Variants in VRK1 observed in about 807,000 individuals in gnomAD.
VRK1 encodes serine/threonine-protein kinase VRK1.
Under a neutral mutation model 57.1 loss-of-function variants are expected in VRK1, and 33 were observed. The observed-to-expected ratio is 0.58, with a 90% CI of 0.44 to 0.77. The LOEUF (loss-of-function observed/expected upper bound fraction) is 0.77. Ranked by LOEUF, VRK1 falls within the 30% of genes least tolerant of loss-of-function variation. The probability of loss-of-function intolerance (pLI) is 0.00; values close to 1 mark genes in which losing one functional copy is unlikely to be tolerated. For missense variants in VRK1, 413 were observed against 477.3 expected, an observed-to-expected ratio of 0.87 and a Z score of 1.25; for synonymous variants, 137 against 147.8, an observed-to-expected ratio of 0.93 and a Z score of 0.53.
At chr14:96,798,247 C>G (rs7149464) in intron 1 of VRK1, among the ~76,000 whole-genome samples, 9,722 of 152,244 alleles carry the variant, frequency 0.064, 355 homozygotes, top group South Asian at 0.11. Context: ...TTTACTGTTG[C>G]AGCTCCATTC....
At chr14:96,840,364 T>A (rs1340852174) in intron 3 of VRK1, among the ~76,000 whole-genome samples, 1 of 152,198 alleles carries the variant, frequency 6.6e-6, no homozygotes, top group East Asian at 1.9e-4. Context: ...TCCCAGCTAT[T>A]CCCTCGTGCA....
chr14:96,830,840 C>G (rs1886976211), intron 1 of VRK1, among the ~76,000 whole-genome samples: 1 of 152,216 alleles, frequency 6.6e-6, no homozygotes, highest in African/African-American at 2.4e-5. Flanking sequence ...CTGAGGCTAA[C>G]TTATAGATCC....
intron 1 of VRK1, among the ~76,000 whole-genome samples, chr14:96,803,111 T>G (rs978546280): frequency 1.3e-5 from 2 of 152,038 alleles, no homozygotes; most frequent in African/African-American, 4.8e-5. Flanking sequence ...TGCTTGTGTT[T>G]GAGAATCCCT....
Position 96,855,365 on chromosome 14 carries a change from G to A in VRK1, c.709+9G>A, listed in dbSNP as rs1202671679. On this transcript the variant is annotated intron_variant, in intron 8 of 12. Coordinates refer to ENST00000216639, the MANE Select transcript of VRK1 (RefSeq NM_003384.3). ...TGCACACAATGGCGTGGGTATGTCA[G>A]TAGTACTGGAGTGAGAAATAGACTG... is the stretch of plus-strand genomic sequence containing the variant. 1.2e-6 allele frequency: 2 copies of A among 1,614,002 alleles called. No individual in the cohort carries two copies. Among genetic ancestry groups the A allele is most frequent in the South Asian group, 1.1e-5 (1 of 91,078 alleles).
chr14:96,808,291 T>C (rs186497468), intron 1 of VRK1, among the ~76,000 whole-genome samples: 2 of 152,274 alleles, frequency 1.3e-5, no homozygotes, highest in Admixed American at 1.3e-4. Flanking sequence ...TTTGTTTAAT[T>C]GTTCAGTTTA....
At chr14:96,803,274 C>T (rs749092162) in intron 1 of VRK1, among the ~76,000 whole-genome samples, 3 of 151,162 alleles carry the variant, frequency 2.0e-5, no homozygotes, top group African/African-American at 4.9e-5. Flanking sequence ...CAGGGTCAAG[C>T]GATTCTCTTG....
intron 2 of VRK1, among the ~76,000 whole-genome samples, chr14:96,835,069 A>G (rs1887163023): frequency 6.6e-6 from 1 of 152,144 alleles, no homozygotes. Flanking sequence ...ATCTAATAGT[A>G]TTTTTAATAG....
At chr14:96,812,550 TG>T (rs1186894430) in intron 1 of VRK1, among the ~76,000 whole-genome samples, 1 of 152,244 alleles carries the variant, frequency 6.6e-6, no homozygotes, top group African/African-American at 2.4e-5. Context: ...TTATCTGTTT[TG>T]GAGAAATGTC....
intron 11 of VRK1, among the ~76,000 whole-genome samples, chr14:96,864,592 T>C (rs370147764): frequency 3.3e-5 from 5 of 152,130 alleles, no homozygotes; most frequent in African/African-American, 9.7e-5. Context: ...GGGGGAAACA[T>C]GTACATTTAT....
At chr14:96,809,144 G>C (rs750020082) in intron 1 of VRK1, among the ~76,000 whole-genome samples, 8 of 152,194 alleles carry the variant, frequency 5.3e-5, no homozygotes, top group Non-Finnish European at 1.0e-4. Context: ...GGGGTCAGGA[G>C]GTTTTGGCTT....
Position 96,860,690 on chromosome 14 carries a change from C to T in VRK1, c.1023C>T (p.Leu341=), listed in dbSNP as rs747889890. The T allele has an allele frequency of 6.2e-7, 1 of 1,613,270 alleles. No homozygotes were observed. Among genetic ancestry groups the T allele is most frequent in the South Asian group, 1.1e-5 (1 of 91,056 alleles). Residue 341 remains leucine, a synonymous_variant, in exon 11 of 13, where the codon CTC becomes CTT. Transcript: ENST00000216639. ...GTAAGGATGATGGCAAATTGGACCT[C>T]AGTGTTGTGGAGAATGGAGGTTTGA... ...IGSKDDGKLD[L]SVVENGGLKA... is the part of the protein sequence containing the mutation.
chr14:96,846,657 C>T (rs775305940), intron 4 of VRK1, among the ~76,000 whole-genome samples: 7 of 151,078 alleles, frequency 4.6e-5, no homozygotes, highest in Non-Finnish European at 8.8e-5. Context: ...AGTCCACCCC[C>T]GTATTCTCAG....
At chr14:96,800,166 T>C (rs1045890259) in intron 1 of VRK1, among the ~76,000 whole-genome samples, 3 of 152,150 alleles carry the variant, frequency 2.0e-5, no homozygotes, top group Non-Finnish European at 2.9e-5. Context: ...TTGGCTCTTT[T>C]GATCAAAATT....
At chr14:96,800,722 T>C (rs562264171) in intron 1 of VRK1, among the ~76,000 whole-genome samples, 1 of 152,252 alleles carries the variant, frequency 6.6e-6, no homozygotes, top group Admixed American at 6.5e-5. Flanking sequence ...TGGGAACCAG[T>C]ACTCTAGGAT....
Position 96,833,670 on chromosome 14 carries a change from T to G in VRK1, c.160+39T>G, listed in dbSNP as rs201819730. On this transcript the variant is annotated intron_variant, in intron 2 of 12. Transcript: ENST00000216639. ...TGCTTCTAATGATCAATCCAAAGAT[T>G]TATATGTTTTCTTATGAAAATGGTT... 1.9e-6 allele frequency: 3 copies of G among 1,612,570 alleles called. No individual in the cohort carries two copies. In the East Asian group the frequency reaches 6.7e-5, roughly 36 times the overall value.
At chr14:96,866,542 A>C (rs985278995) in intron 11 of VRK1, among the ~76,000 whole-genome samples, 5 of 152,078 alleles carry the variant, frequency 3.3e-5, no homozygotes, top group Non-Finnish European at 4.4e-5. Context: ...ATAATTAGTG[A>C]TTTTGATTAT....
chr14:96,840,824 A>G (rs1203214913), intron 3 of VRK1, among the ~76,000 whole-genome samples: 2 of 151,624 alleles, frequency 1.3e-5, no homozygotes, highest in African/African-American at 4.9e-5. Flanking sequence ...GGAACAGTGT[A>G]TAATCATGTC....
intron 4 of VRK1, among the ~76,000 whole-genome samples, chr14:96,846,376 TTAA>T (rs775109807): frequency 2.4e-4 from 37 of 152,284 alleles, no homozygotes; most frequent in Middle Eastern, 3.4e-3. Flanking sequence ...TAGAATGAAG[TTAA>T]TAATAAATGA....
intron 10 of VRK1, among the ~76,000 whole-genome samples, chr14:96,857,152 A>T (rs1330851407): frequency 6.6e-6 from 1 of 152,174 alleles, no homozygotes; most frequent in Non-Finnish European, 1.5e-5. Flanking sequence ...TGCCCTCATG[A>T]AGCTAGCATT....
Sources: gnomAD v4.1 joint callset for allele counts (sites outside exome capture counted in the v4.1 genomes callset) on GRCh38, gnomAD v4.1.1 for gene constraint, MANE v1.5 for transcripts, NCBI Gene and HGNC (gene_info 2026-07-23, HGNC 2026-07-21) for gene names.